Variants in FKBP5 observed in about 807,000 individuals in gnomAD.
FKBP5 encodes the protein peptidyl-prolyl cis-trans isomerase FKBP5.
Under a neutral mutation model 50.5 loss-of-function variants are expected in FKBP5, and 23 were observed. The observed-to-expected ratio is 0.46, with a 90% CI of 0.33 to 0.65. The LOEUF (loss-of-function observed/expected upper bound fraction) is 0.65, where lower values mean the gene tolerates loss of function less well. Ranked by LOEUF, FKBP5 falls within the 30% of genes least tolerant of loss-of-function variation. The pLI is 0.02. For synonymous variants in FKBP5, 176 were observed against 190.6 expected (o/e 0.92, Z 0.63); for missense variants, 411 against 553.1 (o/e 0.74, Z 2.58).
intron 3 of FKBP5, among the ~76,000 whole-genome samples, chr6:35,621,882 G>A (rs1217923672): frequency 6.6e-6 from 1 of 151,840 alleles, no homozygotes. Context: ...AGCAGGCTGA[G>A]GAGAGAGGAC....
At chr6:35,604,879 C>A (rs1351576110) in intron 5 of FKBP5, among the ~76,000 whole-genome samples, 1 of 151,258 alleles carries the variant, frequency 6.6e-6, no homozygotes, top group Non-Finnish European at 1.5e-5. Flanking sequence ...CAACCTCCAC[C>A]TCCCGGGTTC....
intron 1 of FKBP5, among the ~76,000 whole-genome samples, chr6:35,663,935 C>CG (rs1205824521): frequency 6.6e-6 from 1 of 152,168 alleles, no homozygotes; most frequent in Non-Finnish European, 1.5e-5. Flanking sequence ...ACTACTGACA[C>CG]GTCCAGACAG....
intron 8 of FKBP5, chr6:35,585,410 ACTTGTT>A: frequency 1.0e-6 from 1 of 984,090 alleles, no homozygotes; most frequent in Non-Finnish European, 1.2e-6. Context: ...AAAAAATAAC[ACTTGTT>A]CTTGAGAGTT....
At chr6:35,586,177 A>G in intron 8 of FKBP5, 1 of 984,944 alleles carries the variant, frequency 1.0e-6, no homozygotes, top group Non-Finnish European at 1.2e-6. Flanking sequence ...TGGGGAAGCA[A>G]TGGGTAGAAC....
intron 1 of FKBP5, among the ~76,000 whole-genome samples, chr6:35,662,272 G>A (rs1194184603): frequency 1.0e-5 from 1 of 97,506 alleles, no homozygotes; most frequent in Non-Finnish European, 2.1e-5. Context: ...ATTTATTTAC[G>A]TGTCTTTTTT....
intron 3 of FKBP5, among the ~76,000 whole-genome samples, chr6:35,633,504 C>G (rs1764222771): frequency 7.3e-6 from 1 of 136,530 alleles, no homozygotes; most frequent in African/African-American, 2.8e-5. Context: ...GATCACGCCA[C>G]TGCACTTCAG....
In FKBP5 at chr6:35,577,133, T is replaced by G. The variant is rs139316938; in HGVS notation, c.1127A>C (p.Lys376Thr). 1 of 1,614,060 alleles carries G rather than the reference T, an allele frequency of 6.2e-7. No individual in the cohort carries two copies. The highest frequency in any genetic ancestry group is 1.3e-5 in the African/African-American group (1 of 74,934). ...EFESAKGDFE[K>T]VLEVNPQNKA... ...ATTCTGGGGGTTTACTTCCAGCACT[T>G]TCTCAAAGTCACCCTTGGCTGACTC... Residue 376 changes from lysine (K) to threonine (T), a missense_variant, in exon 10 of 11, where the codon AAA becomes ACA. Physicochemically the swap from Lys to Thr is moderately conservative, Grantham distance 78. Around this residue, in one of 3 missense-constraint regions of FKBP5, gnomAD observed 267 missense variants for 405.9 expected, o/e 0.66. Coordinates refer to ENST00000357266, the MANE Select transcript of FKBP5 (RefSeq NM_004117.4).
At chr6:35,718,896 C>T (rs1232148111) in intron 2 of FKBP5, among the ~76,000 whole-genome samples, 3 of 152,242 alleles carry the variant, frequency 2.0e-5, no homozygotes, top group Non-Finnish European at 4.4e-5. Flanking sequence ...TAAACTCTGC[C>T]TCTGGGTAGA....
At chr6:35,618,861 GTT>G (rs1214521132) in intron 5 of FKBP5, among the ~76,000 whole-genome samples, 2 of 151,410 alleles carry the variant, frequency 1.3e-5, no homozygotes, top group Admixed American at 6.6e-5. Flanking sequence ...CACCTGGCTA[GTT>G]TTTTGTATTT....
chr6:35,647,571 C>T (rs1581849197), intron 1 of FKBP5, among the ~76,000 whole-genome samples: 2 of 152,330 alleles, frequency 1.3e-5, no homozygotes, highest in Admixed American at 1.3e-4. Flanking sequence ...CTGTTAAGAG[C>T]AGCTCTTCCC....
At chr6:35,665,034 TATC>T (rs1765175912) in intron 1 of FKBP5, among the ~76,000 whole-genome samples, 1 of 152,178 alleles carries the variant, frequency 6.6e-6, no homozygotes, top group Non-Finnish European at 1.5e-5. Flanking sequence ...ACTCCATAGC[TATC>T]ATCATATTTT....
intron 1 of FKBP5, among the ~76,000 whole-genome samples, chr6:35,668,326 A>G (rs1048533951): frequency 1.3e-5 from 2 of 152,232 alleles, no homozygotes; most frequent in Non-Finnish European, 2.9e-5. Context: ...GGCTAGGCCC[A>G]GTGTCCATTT....
At chr6:35,640,649 C>G (rs1241427566) in intron 2 of FKBP5, among the ~76,000 whole-genome samples, 2 of 152,090 alleles carry the variant, frequency 1.3e-5, no homozygotes, top group African/African-American at 4.8e-5. Context: ...TTAGCTTTGA[C>G]TCTTGTAATG....
intron 1 of FKBP5, among the ~76,000 whole-genome samples, chr6:35,726,989 G>T (rs767010755): frequency 6.6e-5 from 10 of 152,198 alleles, no homozygotes; most frequent in Non-Finnish European, 1.0e-4. Flanking sequence ...CGTGAGAAAG[G>T]TACAAACTGA....
chr6:35,601,504 A>G (rs4713899), intron 5 of FKBP5, among the ~76,000 whole-genome samples: 129,236 of 152,198 alleles, frequency 0.85, 55,027 homozygotes, highest in African/African-American at 0.9. Context: ...CCCTGATTGC[A>G]GTAACAGATG....
chr6:35,644,538 A>C (rs1764578092), intron 1 of FKBP5, among the ~76,000 whole-genome samples: 1 of 152,192 alleles, frequency 6.6e-6, no homozygotes, highest in Non-Finnish European at 1.5e-5. Context: ...AACACCAAAA[A>C]CCAGGGGCTA....
In FKBP5 at chr6:35,637,111, G is replaced by A. The variant is rs1764330248; in HGVS notation, c.153C>T (p.Asp51=). 1 of 1,610,504 alleles carries A rather than the reference G, an allele frequency of 6.2e-7. No homozygotes were observed. The highest frequency in any genetic ancestry group is 1.3e-5 in the African/African-American group (1 of 74,730). Residue 51 remains aspartate (D), a synonymous_variant, in exon 3 of 11, where the codon GAC becomes GAT. Coordinates refer to ENST00000357266, the MANE Select transcript of FKBP5 (RefSeq NM_004117.4). ...TTCCTTTGTAATGGACATAAACTTT[G>A]TCTCCAATCATCGGCGTTTCCTCAC... ...GNGEETPMIG[D]KVYVHYKGKL...
intron 5 of FKBP5, among the ~76,000 whole-genome samples, chr6:35,616,314 C>CAAAAA (rs34779549): frequency 6.4e-4 from 37 of 57,424 alleles, no homozygotes; most frequent in South Asian, 3.5e-3. Flanking sequence ...GACTCCATCT[C>CAAAAA]AAAAAAAAAA....
upstream of FKBP5, among the ~76,000 whole-genome samples, chr6:35,692,840 C>A (rs1156324596): frequency 6.7e-6 from 1 of 149,814 alleles, no homozygotes. Context: ...GGATATCTGT[C>A]ATTTCACGGC....
Sources: gnomAD v4.1 joint callset for allele counts (sites outside exome capture counted in the v4.1 genomes callset) on GRCh38, gnomAD v4.1.1 for gene constraint, gnomAD v4.1.1 regional missense constraint, MANE v1.5 for transcripts, NCBI Gene and HGNC (gene_info 2026-07-23, HGNC 2026-07-21) for gene names.